Variants in CTNNA2 observed in about 807,000 individuals in gnomAD.
The protein encoded by CTNNA2 is catenin alpha 2.
In CTNNA2, 42 loss-of-function variants were observed where a neutral mutation model predicts 101.0. The ratio of observed to expected loss-of-function variants is 0.42; its 90% CI spans 0.32 to 0.54. CTNNA2 has a LOEUF of 0.54. Ranked by LOEUF, CTNNA2 falls within the 20% of genes least tolerant of loss-of-function variation. CTNNA2 has a pLI of 0.14. For missense variants in CTNNA2, 871 were observed against 1,223.1 expected, an observed-to-expected ratio of 0.71 and a Z score of 4.29; for synonymous variants, 450 against 456.4, an observed-to-expected ratio of 0.99 and a Z score of 0.18.
chr2:80,144,841 C>T (rs1250347229), intron 7 of CTNNA2, among the ~76,000 whole-genome samples: 1 of 152,190 alleles, frequency 6.6e-6, no homozygotes, highest in Non-Finnish European at 1.5e-5. Context: ...GAGTTTGTTA[C>T]TCTCATCACA....
At chr2:79,459,794 A>C (rs1670858987) in intron 4 of CTNNA2, among the ~76,000 whole-genome samples, 1 of 151,960 alleles carries the variant, frequency 6.6e-6, no homozygotes, top group African/African-American at 2.4e-5. Context: ...ATTTTTCTTC[A>C]CCTACTCAGT....
intron 3 of CTNNA2, among the ~76,000 whole-genome samples, chr2:79,321,635 A>C (rs955420237): frequency 3.9e-5 from 6 of 152,204 alleles, no homozygotes; most frequent in Non-Finnish European, 8.8e-5. Context: ...CTGTGAAATA[A>C]GCAGAGCAGA....
At chr2:80,626,033 A>T (rs998615628) in intron 18 of CTNNA2, among the ~76,000 whole-genome samples, 22 of 152,232 alleles carry the variant, frequency 1.4e-4, no homozygotes, top group Middle Eastern at 6.8e-3. Flanking sequence ...AAGAAATTTG[A>T]AAGTAACATG....
intron 2 of CTNNA2, among the ~76,000 whole-genome samples, chr2:79,299,135 A>C (rs926799496): frequency 2.6e-5 from 4 of 152,198 alleles, no homozygotes; most frequent in Admixed American, 2.0e-4. Context: ...CCAAGTGGAT[A>C]CAGCAAGTCA....
At chr2:80,134,254 AGCAAGAAG>A (rs1197176896) in intron 7 of CTNNA2, among the ~76,000 whole-genome samples, 2 of 152,182 alleles carry the variant, frequency 1.3e-5, no homozygotes, top group Non-Finnish European at 2.9e-5. Context: ...AGAAACACAG[AGCAAGAAG>A]GAGGCCTAAG....
intron 2 of CTNNA2, among the ~76,000 whole-genome samples, chr2:79,653,530 A>G (rs886692585): frequency 6.6e-6 from 1 of 152,166 alleles, no homozygotes; most frequent in African/African-American, 2.4e-5. Flanking sequence ...TTACATGCCT[A>G]ATCACTTCAA....
At chr2:79,848,863 G>A (rs892328096) in intron 3 of CTNNA2, among the ~76,000 whole-genome samples, 3 of 152,126 alleles carry the variant, frequency 2.0e-5, no homozygotes, top group African/African-American at 7.2e-5. Flanking sequence ...GATTTTGTTA[G>A]GTGAGGAGAG....
At chr2:79,626,881 A>G (rs1679344747) in intron 1 of CTNNA2, among the ~76,000 whole-genome samples, 1 of 138,920 alleles carries the variant, frequency 7.2e-6, no homozygotes, top group South Asian at 2.1e-4. Flanking sequence ...AAACTAATAA[A>G]ATAAACAATT....
upstream of CTNNA2, among the ~76,000 whole-genome samples, chr2:79,510,157 A>G (rs1036208757): frequency 4.6e-5 from 7 of 152,218 alleles, no homozygotes; most frequent in African/African-American, 7.2e-5. Context: ...TTTGAACACA[A>G]TGCCATACCT....
At chr2:80,596,175 G>A (rs1033780953) in intron 15 of CTNNA2, among the ~76,000 whole-genome samples, 3 of 148,092 alleles carry the variant, frequency 2.0e-5, no homozygotes, top group African/African-American at 7.5e-5. Context: ...GTCTATTGTT[G>A]ATGTGTAGGA....
chr2:79,439,002 A>C (rs1485857904), intron 4 of CTNNA2, among the ~76,000 whole-genome samples: 1 of 152,210 alleles, frequency 6.6e-6, no homozygotes, highest in African/African-American at 2.4e-5. Flanking sequence ...ACTTTGGAAA[A>C]TAGTTTGAGA....
intron 2 of CTNNA2, among the ~76,000 whole-genome samples, chr2:79,723,352 A>G (rs1361678846): frequency 6.6e-6 from 1 of 152,232 alleles, no homozygotes; most frequent in African/African-American, 2.4e-5. Context: ...AGGCATTTCC[A>G]AATGTAAATT....
chr2:80,006,296 T>TA (rs1459139779), intron 7 of CTNNA2, among the ~76,000 whole-genome samples: 1 of 150,390 alleles, frequency 6.6e-6, no homozygotes, highest in African/African-American at 2.4e-5. Context: ...TAATAATATT[T>TA]AAAATGATAC....
At chr2:79,861,405 G>A (rs533193996) in intron 4 of CTNNA2, among the ~76,000 whole-genome samples, 8 of 152,216 alleles carry the variant, frequency 5.3e-5, no homozygotes, top group African/African-American at 1.4e-4. Context: ...TCAGCAGTTC[G>A]CCAGGTTGAT....
chr2:80,089,414 G>T (rs1699642405), intron 7 of CTNNA2, among the ~76,000 whole-genome samples: 2 of 151,900 alleles, frequency 1.3e-5, no homozygotes, highest in African/African-American at 4.8e-5. Context: ...CTTCTTTAGT[G>T]CCCTCCCCTT....
At chr2:80,532,015 A>G (rs996436999) in intron 9 of CTNNA2, among the ~76,000 whole-genome samples, 1 of 152,214 alleles carries the variant, frequency 6.6e-6, no homozygotes, top group Non-Finnish European at 1.5e-5. Flanking sequence ...AGTCATAGGC[A>G]ATATGTATAA....
chr2:80,033,598 A>C (rs920019848), intron 7 of CTNNA2, among the ~76,000 whole-genome samples: 1 of 152,130 alleles, frequency 6.6e-6, no homozygotes, highest in African/African-American at 2.4e-5. Flanking sequence ...AAAACAAAAA[A>C]CACTCACCAA....
intron 7 of CTNNA2, chr2:80,162,284 A>G: frequency 1.5e-6 from 1 of 665,122 alleles, no homozygotes; most frequent in Admixed American, 3.5e-5. Flanking sequence ...AATGTAATAA[A>G]ACCACAATTC....
chr2:79,890,566 A>G (rs1684231073), intron 6 of CTNNA2, among the ~76,000 whole-genome samples: 1 of 151,864 alleles, frequency 6.6e-6, no homozygotes, highest in South Asian at 2.1e-4. Context: ...CTACAACCTT[A>G]ATCATGCTTC....
Sources: gnomAD v4.1 joint callset for allele counts (sites outside exome capture counted in the v4.1 genomes callset) on GRCh38, gnomAD v4.1.1 for gene constraint, MANE v1.5 for transcripts, NCBI Gene and HGNC (gene_info 2026-07-23, HGNC 2026-07-21) for gene names.